The following RMDN3 variants were observed in gnomAD, a reference collection of about 807,000 sequenced individuals.
RMDN3 encodes the protein regulator of microtubule dynamics 3, also known as regulator of microtubule dynamics protein 3.
RMDN3 carries 41 observed loss-of-function variants against 61.8 expected under a neutral mutation model. The ratio of observed to expected loss-of-function variants is 0.66; its 90% CI spans 0.52 to 0.86. The LOEUF (loss-of-function observed/expected upper bound fraction) is 0.86. Ranked by LOEUF, RMDN3 falls within the 40% of genes least tolerant of loss-of-function variation. RMDN3 has a pLI of 0.00. For missense variants in RMDN3, 557 were observed against 585.3 expected, an observed-to-expected ratio of 0.95 and a Z score of 0.50; for synonymous variants, 247 against 232.0, an observed-to-expected ratio of 1.06 and a Z score of -0.59.
rs1897475421 is a variant in RMDN3, at chr15:40,745,211, TTTGTCAGAGTCCCGCTCA to T, written c.555_572del (p.Asn185_Asp190del). On this transcript the variant is annotated inframe_deletion, in exon 5 of 13. Transcript: ENST00000338376. ...CTTCATCTTCCCCGTCCTCACTTTC[TTTGTCAGAGTCCCGCTCA>T]TTGTCAGACTCCGCATTGGCTGTTG... 3 of 1,614,076 alleles carry T rather than the reference TTTGTCAGAGTCCCGCTCA, an allele frequency of 1.9e-6. No homozygotes were observed. The highest frequency in any genetic ancestry group is 2.5e-6 in the Non-Finnish European group (3 of 1,180,012).
intron 2 of RMDN3, among the ~76,000 whole-genome samples, chr15:40,752,495 AAAC>A (rs1897872255): frequency 8.4e-6 from 1 of 118,346 alleles, no homozygotes. Context: ...AGTTAAAAAA[AAAC>A]AAAAACCTTC....
Position 40,752,110 on chromosome 15 carries a change from C to G in RMDN3, c.256G>C (p.Gly86Arg). Residue 86 changes from glycine (G) to arginine (R), a missense_variant, in exon 3 of 13, where the codon GGA (glycine) becomes CGA (arginine). Physicochemically the swap from Gly to Arg is moderately radical, Grantham distance 125 (BLOSUM62 -2). Coordinates refer to ENST00000338376, the MANE Select transcript of RMDN3 (RefSeq NM_018145.3). The part of the protein sequence containing the change: ...ASVLPSLPRE[G>R]QEKVLDRLDF... ...AGGCGGTCCAGCACCTTCTCCTGTC[C>G]TTCCCGTGGAAGGCTGGGCAGCACT... The G allele has an allele frequency of 6.2e-7, 1 of 1,614,198 alleles. No individual in the cohort carries two copies. Among genetic ancestry groups the G allele is most frequent in the African/African-American group, 1.3e-5 (1 of 75,058 alleles).
intron 4 of RMDN3, among the ~76,000 whole-genome samples, chr15:40,749,195 G>A (rs1000743649): frequency 1.3e-5 from 2 of 152,162 alleles, no homozygotes; most frequent in Non-Finnish European, 2.9e-5. Context: ...GAGCCACCGC[G>A]CCTGGCCTAG....
chr15:40,748,066 C>A (rs1453811712), intron 4 of RMDN3, among the ~76,000 whole-genome samples: 1 of 152,162 alleles, frequency 6.6e-6, no homozygotes, highest in Non-Finnish European at 1.5e-5. Context: ...GTGTTTGGTA[C>A]AATGCCCGGG....
At chr15:40,754,174 A>G (rs1295400324) in intron 2 of RMDN3, among the ~76,000 whole-genome samples, 1 of 132,740 alleles carries the variant, frequency 7.5e-6, no homozygotes, top group African/African-American at 3.0e-5. Context: ...TCTGTCACCC[A>G]GGCTGGAGTG....
At chr15:40,746,394 T>C (rs946478825) in intron 4 of RMDN3, among the ~76,000 whole-genome samples, 25 of 151,624 alleles carry the variant, frequency 1.6e-4, no homozygotes, top group African/African-American at 6.1e-4. Context: ...CAGGTGCCTG[T>C]AGTCCCAGCT....
Position 40,737,686 on chromosome 15 carries a change from G to T in RMDN3, c.1166C>A (p.Ala389Asp), listed in dbSNP as rs951308692. The T allele has an allele frequency of 6.2e-7, 1 of 1,614,006 alleles. No individual in the cohort carries two copies. The change falls in exon 10 of 13, where the codon GCC becomes GAC. Residue 389 changes from alanine to aspartate, a missense_variant. Ala to Asp is a moderately radical substitution (Grantham distance 126, BLOSUM62 -2). Transcript: ENST00000338376. ...GGCACTGAGAGGGCTTTCAAGCAAG[G>T]CTGTAGCAGTTTTTTTTTCTAGCCA... is the stretch of plus-strand genomic sequence containing the variant. Reference protein sequence around the residue: ...LSWLEKKTATALLESPLSATV... With the variant: ...LSWLEKKTATDLLESPLSATV...
chr15:40,754,828 G>C (rs1295576678), intron 1 of RMDN3, 38 bp from the exon 2 acceptor site: 1 of 1,434,700 alleles, frequency 7.0e-7, no homozygotes, highest in Non-Finnish European at 9.3e-7. Flanking sequence ...AGGCAGGCGG[G>C]CGGGCGGGCG....
In RMDN3 at chr15:40,740,115, A is replaced by G; in HGVS notation, c.971+18T>C. 6 of 1,568,482 alleles carry G rather than the reference A, an allele frequency of 3.8e-6. No individual in the cohort carries two copies. In the South Asian group the frequency reaches 6.7e-5, roughly 18 times the overall value. ...GGCCCTTGCTGGCTCTTCCCAGAAC[A>G]CTGCAGGGTGTTATTACCACAGGTG... On this transcript the variant is annotated intron_variant, in intron 7 of 12. Transcript: ENST00000338376.
At position 40,754,622 on chromosome 15, in the gene RMDN3, C is replaced by T; in HGVS notation, c.162G>A (p.Thr54=). 1 of 1,613,386 alleles carries T rather than the reference C, an allele frequency of 6.2e-7. No homozygotes were observed. Among genetic ancestry groups the T allele is most frequent in the Non-Finnish European group, 8.5e-7 (1 of 1,179,594 alleles). ...SQSLPNSLDY[T]QTSDPGRHVM... is the part of the protein sequence containing the mutation. The stretch of plus-strand genomic sequence containing the variant: ...CGTGGCGTCCGGGATCTGAAGTCTG[C>T]GTATAGTCCAGGGAGTTGGGCAGGC... The change falls in exon 2 of 13, where the codon ACG becomes ACA. Residue 54 remains threonine, a synonymous_variant. Coordinates refer to ENST00000338376, the MANE Select transcript of RMDN3 (RefSeq NM_018145.3).
At chr15:40,743,453 A>C (rs1416438943) in intron 6 of RMDN3, among the ~76,000 whole-genome samples, 1 of 152,074 alleles carries the variant, frequency 6.6e-6, no homozygotes, top group East Asian at 1.9e-4. Flanking sequence ...ACTGAACCAC[A>C]GACCTAGAAA....
intron 6 of RMDN3, among the ~76,000 whole-genome samples, chr15:40,742,360 C>T (rs1051838275): frequency 3.3e-5 from 5 of 152,112 alleles, no homozygotes; most frequent in African/African-American, 1.2e-4. Context: ...CCTCTCTTCC[C>T]AAAGAGAGGG....
At chr15:40,741,531 C>T (rs1474226402) in intron 6 of RMDN3, among the ~76,000 whole-genome samples, 1 of 151,108 alleles carries the variant, frequency 6.6e-6, no homozygotes, top group Non-Finnish European at 1.5e-5. Context: ...TTCTGACAAG[C>T]GTCACTTAAG....
intron 4 of RMDN3, among the ~76,000 whole-genome samples, chr15:40,745,509 G>C (rs1897499954): frequency 6.6e-6 from 1 of 151,230 alleles, no homozygotes; most frequent in Non-Finnish European, 1.5e-5. Context: ...ACCTCCTGGG[G>C]TCAAGCAATT....
At chr15:40,738,080 C>A (rs1367014015) in intron 8 of RMDN3, 38 bp from the exon 9 acceptor site, 1 of 1,603,826 alleles carries the variant, frequency 6.2e-7, no homozygotes, top group East Asian at 2.2e-5. Flanking sequence ...ACATCAGACA[C>A]CAGAGTTGCT....
intron 4 of RMDN3, among the ~76,000 whole-genome samples, chr15:40,749,646 G>T (rs1272914761): frequency 6.6e-6 from 1 of 152,216 alleles, no homozygotes; most frequent in Non-Finnish European, 1.5e-5. Flanking sequence ...CACCCAAGTG[G>T]CCTGCTTCCT....
chr15:40,744,177 C>G (rs371332860), intron 5 of RMDN3, 28 bp from the exon 6 acceptor site: 1 of 1,604,606 alleles, frequency 6.2e-7, no homozygotes, highest in Non-Finnish European at 8.5e-7. Context: ...ACGGGTGAGG[C>G]CCCTTTTTCC....
chr15:40,754,853 G>A lies in RMDN3; in HGVS notation c.-7-63C>T, dbSNP rs554702879. 6 of 1,373,834 alleles carry A rather than the reference G, an allele frequency of 4.4e-6. No individual in the cohort carries two copies. In the African/African-American group the frequency reaches 8.7e-5, roughly 20 times the overall value. 85.1% of individuals were successfully genotyped at this position (1,373,834 alleles called of 1,614,324 possible). The stretch of plus-strand genomic sequence containing the variant: ...GCGGGCGGGCGGGGGTAAGGAGAGA[G>A]AGAGATTCGTGAACCCGGTAAACCC... On this transcript the variant is annotated intron_variant, in intron 1 of 12. Coordinates refer to ENST00000338376, the MANE Select transcript of RMDN3 (RefSeq NM_018145.3).
chr15:40,748,793 T>A (rs1897686848), intron 4 of RMDN3, among the ~76,000 whole-genome samples: 1 of 152,050 alleles, frequency 6.6e-6, no homozygotes, highest in Admixed American at 6.6e-5. Context: ...AGAGACAGGG[T>A]TTCACCATGT....
Sources: gnomAD v4.1 joint callset for allele counts (sites outside exome capture counted in the v4.1 genomes callset) on GRCh38, gnomAD v4.1.1 for gene constraint, MANE v1.5 for transcripts, NCBI Gene and HGNC (gene_info 2026-07-23, HGNC 2026-07-21) for gene names.